RAB3C: variants seen among roughly 807,000 people sequenced by gnomAD.
RAB3C encodes RAB3C, member RAS oncogene family.
A neutral mutation model predicts 26.4 loss-of-function variants in RAB3C; 17 were observed. The observed-to-expected ratio is 0.64, with a 90% CI of 0.44 to 0.97. The LOEUF is 0.97. Among genes scored for constraint, RAB3C ranks in the 50% least tolerant of loss-of-function variants. RAB3C has a pLI of 0.00. For missense variants in RAB3C, 242 were observed against 281.9 expected, an observed-to-expected ratio of 0.86 and a Z score of 1.01; for synonymous variants, 91 against 95.9, an observed-to-expected ratio of 0.95 and a Z score of 0.30.
chr5:58,755,838 T>G (rs932936036), intron 3 of RAB3C, among the ~76,000 whole-genome samples: 8 of 152,186 alleles, frequency 5.3e-5, no homozygotes, highest in African/African-American at 1.9e-4. Flanking sequence ...ACCTTTGAAT[T>G]TAAACCAATT....
At chr5:58,666,337 T>C (rs1190462637) in intron 2 of RAB3C, among the ~76,000 whole-genome samples, 1 of 152,138 alleles carries the variant, frequency 6.6e-6, no homozygotes, top group African/African-American at 2.4e-5. Context: ...ACAGAGAAGG[T>C]GAACAAGCTA....
At chr5:58,715,150 A>G (rs753943973) in intron 2 of RAB3C, among the ~76,000 whole-genome samples, 3 of 152,002 alleles carry the variant, frequency 2.0e-5, no homozygotes, top group African/African-American at 4.8e-5. Flanking sequence ...TTCTAATACT[A>G]TATGATCTAT....
intron 3 of RAB3C, among the ~76,000 whole-genome samples, chr5:58,824,501 G>C (rs1743427904): frequency 1.3e-5 from 2 of 152,164 alleles, no homozygotes; most frequent in Admixed American, 1.3e-4. Flanking sequence ...TAGCTCTCAT[G>C]ATTCTTTTTT....
intron 1 of RAB3C, among the ~76,000 whole-genome samples, chr5:58,605,234 T>C (rs1026545367): frequency 6.6e-6 from 1 of 152,002 alleles, no homozygotes; most frequent in Non-Finnish European, 1.5e-5. Flanking sequence ...AGAATTGCTG[T>C]TTTTTTCTTG....
chr5:58,743,748 A>C (rs1048521490), intron 3 of RAB3C, among the ~76,000 whole-genome samples: 2 of 152,182 alleles, frequency 1.3e-5, no homozygotes, highest in African/African-American at 2.4e-5. Flanking sequence ...CAGCATCAGG[A>C]TTTTTAAAAA....
At chr5:58,718,320 A>G (rs1424496489) in intron 2 of RAB3C, among the ~76,000 whole-genome samples, 1 of 152,094 alleles carries the variant, frequency 6.6e-6, no homozygotes, top group Non-Finnish European at 1.5e-5. Context: ...TCTTGAAGAG[A>G]GTTCCTCTGA....
chr5:58,833,072 C>T (rs1743652095), intron 4 of RAB3C, among the ~76,000 whole-genome samples: 1 of 151,652 alleles, frequency 6.6e-6, no homozygotes, highest in African/African-American at 2.4e-5. Flanking sequence ...TGGAATAGTA[C>T]ATTATATAAT....
rs1287805243 is a variant in RAB3C at position 58,612,534 on chromosome 5, ATATATATATATATG to A, written c.25-5095_25-5082del. Among the ~76,000 whole-genome samples, 626 of 102,666 alleles carry A rather than the reference ATATATATATATATG, an allele frequency of 6.1e-3. 2 individuals carry two copies. The highest frequency in any genetic ancestry group is 0.026 in the East Asian group (93 of 3,622). The allele number at this position is 102,666 out of a possible 152,430, so 67.4% of individuals were successfully genotyped here. A position where few individuals can be genotyped will look rare whatever the true frequency, so the allele number is the denominator to read the frequency against. On this transcript the variant is annotated intron_variant, in intron 1 of 4. Coordinates refer to ENST00000282878, the MANE Select transcript of RAB3C (RefSeq NM_138453.4). ...TGTGTGTGTGTGTATATATATATAT[ATATATATATATATG>A]TATATATATATATATGTATATATAT...
chr5:58,838,706 C>A (rs769817279), intron 4 of RAB3C, among the ~76,000 whole-genome samples: 2 of 152,058 alleles, frequency 1.3e-5, no homozygotes, highest in Non-Finnish European at 2.9e-5. Context: ...CTGTTAGGTC[C>A]ATCTGGTTTG....
At chr5:58,643,493 CT>C (rs1229566751) in intron 2 of RAB3C, among the ~76,000 whole-genome samples, 2 of 151,770 alleles carry the variant, frequency 1.3e-5, no homozygotes, top group Non-Finnish European at 2.9e-5. Flanking sequence ...TAGAATTATT[CT>C]TCTATTTAAT....
chr5:58,672,260 C>T (rs1400309816), intron 2 of RAB3C, among the ~76,000 whole-genome samples: 1 of 152,146 alleles, frequency 6.6e-6, no homozygotes, highest in Non-Finnish European at 1.5e-5. Flanking sequence ...AAGCAAGGGG[C>T]ACAGGTGATC....
intron 3 of RAB3C, among the ~76,000 whole-genome samples, chr5:58,738,749 T>A (rs1295157134): frequency 6.6e-6 from 1 of 152,218 alleles, no homozygotes; most frequent in Admixed American, 6.5e-5. Flanking sequence ...TGATTGCTAT[T>A]TGTACTGTTT....
intron 3 of RAB3C, among the ~76,000 whole-genome samples, chr5:58,807,632 T>C (rs533612479): frequency 2.1e-4 from 32 of 152,284 alleles, no homozygotes; most frequent in South Asian, 8.3e-4. Context: ...AGGAGATTTA[T>C]GTCTCTTCTT....
intron 3 of RAB3C, among the ~76,000 whole-genome samples, chr5:58,767,024 G>A (rs1053727327): frequency 2.0e-5 from 3 of 152,008 alleles, no homozygotes; most frequent in African/African-American, 7.2e-5. Flanking sequence ...CAGCGGGGGG[G>A]ACTCAGACAG....
At chr5:58,804,104 G>C (rs1742879453) in intron 3 of RAB3C, among the ~76,000 whole-genome samples, 1 of 151,560 alleles carries the variant, frequency 6.6e-6, no homozygotes, top group Non-Finnish European at 1.5e-5. Context: ...AGGATCTTTA[G>C]CTAATTATTC....
chr5:58,845,594 C>CTATATATATATATATATATATATATA (rs147626783), intron 4 of RAB3C, among the ~76,000 whole-genome samples: 5 of 74,582 alleles, frequency 6.7e-5, no homozygotes, highest in African/African-American at 3.1e-4. Context: ...GTGATTCTTA[C>CTATATATATATATATATATATATATA]TATATATATA....
intron 4 of RAB3C, among the ~76,000 whole-genome samples, chr5:58,848,015 C>T (rs1167793941): frequency 3.3e-5 from 5 of 152,266 alleles, no homozygotes; most frequent in African/African-American, 1.2e-4. Context: ...TGCCACAACG[C>T]CTGGCTAATT....
At chr5:58,763,939 T>G (rs1410085939) in intron 3 of RAB3C, among the ~76,000 whole-genome samples, 2 of 152,154 alleles carry the variant, frequency 1.3e-5, no homozygotes, top group Non-Finnish European at 2.9e-5. Context: ...GATCTCAGGG[T>G]CTGCACCCAC....
chr5:58,760,272 G>A (rs979516718), intron 3 of RAB3C, among the ~76,000 whole-genome samples: 3 of 152,102 alleles, frequency 2.0e-5, no homozygotes, highest in Non-Finnish European at 4.4e-5. Context: ...TGACCATATA[G>A]AAAAGTCATG....
Sources: gnomAD v4.1 joint callset for allele counts (sites outside exome capture counted in the v4.1 genomes callset) on GRCh38, gnomAD v4.1.1 for gene constraint, MANE v1.5 for transcripts, NCBI Gene and HGNC (gene_info 2026-07-23, HGNC 2026-07-21) for gene names.